FER: variants seen among roughly 807,000 people sequenced by gnomAD.
FER encodes the protein tyrosine-protein kinase Fer.
A neutral mutation model predicts 111.0 loss-of-function variants in FER; 63 were observed. The ratio of observed to expected loss-of-function variants is 0.57; its 90% CI spans 0.46 to 0.70. The LOEUF is 0.70. Ranked by LOEUF, FER falls within the 30% of genes least tolerant of loss-of-function variation. The pLI is 0.00. For synonymous variants in FER, 327 were observed against 313.9 expected (o/e 1.04, Z -0.44); for missense variants, 914 against 954.0 (o/e 0.96, Z 0.55).
At chr5:109,167,884 A>G (rs1397405791) in intron 17 of FER, among the ~76,000 whole-genome samples, 2 of 152,328 alleles carry the variant, frequency 1.3e-5, no homozygotes, top group East Asian at 3.9e-4. Context: ...TTCAGTATGA[A>G]TGAACAGAAG....
chr5:109,130,930 T>C (rs1261129008), intron 17 of FER, among the ~76,000 whole-genome samples: 1 of 152,200 alleles, frequency 6.6e-6, no homozygotes, highest in African/African-American at 2.4e-5. Context: ...ATTTGCAGTT[T>C]CTAACTGTGA....
chr5:109,022,581 G>A (rs1768076265), intron 13 of FER, among the ~76,000 whole-genome samples: 1 of 152,054 alleles, frequency 6.6e-6, no homozygotes, highest in Non-Finnish European at 1.5e-5. Context: ...TACATATTTA[G>A]ACATGTGACA....
intron 10 of FER, among the ~76,000 whole-genome samples, chr5:108,914,421 A>T (rs1751985142): frequency 6.6e-6 from 1 of 152,128 alleles, no homozygotes; most frequent in Non-Finnish European, 1.5e-5. Flanking sequence ...TGTACCTCTT[A>T]TTCTTTCTCT....
At chr5:109,061,244 C>A (rs772101887) in intron 16 of FER, among the ~76,000 whole-genome samples, 1 of 152,064 alleles carries the variant, frequency 6.6e-6, no homozygotes, top group African/African-American at 2.4e-5. Flanking sequence ...CTCTGATAAA[C>A]TTTAAGACCA....
At chr5:108,997,289 G>T (rs886958530) in intron 13 of FER, among the ~76,000 whole-genome samples, 7 of 151,112 alleles carry the variant, frequency 4.6e-5, no homozygotes, top group African/African-American at 1.5e-4. Context: ...TTGGTGGTGG[G>T]CGCCTGTAGT....
intron 9 of FER, among the ~76,000 whole-genome samples, chr5:108,884,744 T>G (rs1260101976): frequency 6.6e-6 from 1 of 152,036 alleles, no homozygotes; most frequent in Non-Finnish European, 1.5e-5. Context: ...CTTTCTGTTT[T>G]CTTAGTTCGA....
chr5:109,080,227 G>A (rs1410559627), intron 16 of FER, among the ~76,000 whole-genome samples: 1 of 151,990 alleles, frequency 6.6e-6, no homozygotes, highest in African/African-American at 2.4e-5. Context: ...AAATTCTTTT[G>A]ATGCTGTCTC....
intron 4 of FER, among the ~76,000 whole-genome samples, chr5:108,834,885 G>A (rs1038971380): frequency 2.0e-5 from 3 of 151,870 alleles, no homozygotes; most frequent in African/African-American, 7.3e-5. Flanking sequence ...CTTTAAAAGG[G>A]GTTTGAGATT....
Position 109,051,409 on chromosome 5 carries a change from T to C in FER, c.1924+4211T>C, listed in dbSNP as rs1435140723. ...CACAATGGCTAGTGGCTGTAGTTCA[T>C]GTCCAGCAGCTAGTTTTTTAGAATT... is the stretch of plus-strand genomic sequence containing the variant. On this transcript the variant is annotated intron_variant, in intron 16 of 19. Transcript: ENST00000281092. The C allele has an allele frequency of 1.6e-5, 26 of 1,612,612 alleles. No individual in the cohort carries two copies. In the South Asian group the frequency reaches 1.9e-4, roughly 12 times the overall value.
intron 16 of FER, among the ~76,000 whole-genome samples, chr5:109,057,958 A>C (rs956777992): frequency 1.3e-5 from 2 of 152,350 alleles, no homozygotes; most frequent in Admixed American, 1.3e-4. Context: ...ATTCATGATC[A>C]TAGATTTAAA....
chr5:109,144,017 G>A (rs1189779198), intron 17 of FER, among the ~76,000 whole-genome samples: 2 of 151,884 alleles, frequency 1.3e-5, no homozygotes, highest in African/African-American at 4.8e-5. Flanking sequence ...GCTCCATGAG[G>A]AAAGGAATTT....
At position 108,897,748 on chromosome 5, in the gene FER, C is replaced by G; in HGVS notation, c.1136C>G (p.Ala379Gly). The G allele has an allele frequency of 6.2e-7, 1 of 1,613,374 alleles. No homozygotes were observed. Among genetic ancestry groups the G allele is most frequent in the Non-Finnish European group, 8.5e-7 (1 of 1,179,692 alleles). ...AGATGCACTGAAGCAAAGTTTTCAGCACAGAAGGAATTACTAGAGCAAAAA... is the reference window on the plus strand; with the variant it reads ...AGATGCACTGAAGCAAAGTTTTCAGGACAGAAGGAATTACTAGAGCAAAAA... ...QLRCTEAKFSAQKELLEQKVQ... is the reference protein window; with the variant it reads ...QLRCTEAKFSGQKELLEQKVQ... Residue 379 changes from alanine (A) to glycine (G), a missense_variant, in exon 10 of 20, where the codon GCA becomes GGA. Around this residue, in one of 3 missense-constraint regions of FER, gnomAD observed 774 missense variants for 782.6 expected, o/e 0.99. Transcript: ENST00000281092.
chr5:108,918,737 T>A (rs1247449582), intron 10 of FER, among the ~76,000 whole-genome samples: 2 of 152,146 alleles, frequency 1.3e-5, no homozygotes, highest in Non-Finnish European at 2.9e-5. Context: ...TCCGCCCGCC[T>A]CAGCCTCCCA....
intron 13 of FER, among the ~76,000 whole-genome samples, chr5:108,983,922 C>T (rs1052494272): frequency 6.7e-6 from 1 of 149,658 alleles, no homozygotes; most frequent in Non-Finnish European, 1.5e-5. Flanking sequence ...CTCTATCATC[C>T]TCTCTCTCTT....
rs1759692424 is a variant in FER at position 109,195,651 on chromosome 5, GCATTT to G, written c.*8079_*8083del. On this transcript the variant is annotated 3_prime_UTR_variant, in exon 20 of 20. Coordinates refer to ENST00000281092, the MANE Select transcript of FER (RefSeq NM_005246.4). The stretch of plus-strand genomic sequence containing the variant: ...GACATGAAACTCTTATACCTGCTGA[GCATTT>G]CACTTTACTATACAAAATGTCAGCT... The G allele has an allele frequency of 6.6e-6, 1 of 152,126 alleles. No individual in the cohort carries two copies. Among genetic ancestry groups the G allele is most frequent in the Non-Finnish European group, 1.5e-5 (1 of 68,038 alleles). The allele number at this position is 152,126 out of a possible 1,614,324, so 9.4% of individuals were successfully genotyped here. A position where few individuals can be genotyped will look rare whatever the true frequency, so the allele number is the denominator to read the frequency against.
At chr5:109,185,541 G>A (rs960749029) in intron 18 of FER, among the ~76,000 whole-genome samples, 4 of 152,062 alleles carry the variant, frequency 2.6e-5, no homozygotes, top group East Asian at 1.9e-4. Context: ...GATTGATAAC[G>A]TAAAAATGTA....
At chr5:108,905,984 G>A (rs759084478) in intron 10 of FER, among the ~76,000 whole-genome samples, 7 of 152,132 alleles carry the variant, frequency 4.6e-5, no homozygotes, top group Non-Finnish European at 1.0e-4. Context: ...TAGAATCTTT[G>A]CTCTAGGGAG....
chr5:108,981,006 C>G (rs531499801), intron 13 of FER, among the ~76,000 whole-genome samples: 1 of 152,134 alleles, frequency 6.6e-6, no homozygotes, highest in Admixed American at 6.5e-5. Flanking sequence ...AAAATGACAT[C>G]AATAGACTTG....
intron 14 of FER, among the ~76,000 whole-genome samples, chr5:109,043,962 T>C (rs1044117152): frequency 6.6e-6 from 1 of 151,430 alleles, no homozygotes; most frequent in South Asian, 2.1e-4. Flanking sequence ...AGAGTGAGAC[T>C]CTGTCTCAGA....
Sources: allele counts gnomAD v4.1 joint callset (sites outside exome capture counted in the v4.1 genomes callset), GRCh38; gene constraint gnomAD v4.1.1; regional missense constraint gnomAD v4.1.1; transcripts MANE v1.5; gene names NCBI Gene and HGNC (gene_info 2026-07-23, HGNC 2026-07-21).